The following MACROD1 variants were observed in gnomAD, a reference collection of about 807,000 sequenced individuals.
MACROD1 encodes the protein mono-ADP ribosylhydrolase 1, also known as ADP-ribose glycohydrolase MACROD1.
In MACROD1, 31 loss-of-function variants were observed where a neutral mutation model predicts 41.4. The ratio of observed to expected loss-of-function variants is 0.75; its 90% CI spans 0.56 to 1.01. The LOEUF is 1.01. Among genes scored for constraint, MACROD1 ranks in the 50% least tolerant of loss-of-function variants. The pLI is 0.00. For missense variants in MACROD1, 473 were observed against 460.0 expected, an observed-to-expected ratio of 1.03 and a Z score of -0.26; for synonymous variants, 252 against 203.4, an observed-to-expected ratio of 1.24 and a Z score of -2.03.
At chr11:64,074,664 G>A (rs1353231562) in intron 3 of MACROD1, among the ~76,000 whole-genome samples, 1 of 152,224 alleles carries the variant, frequency 6.6e-6, no homozygotes, top group Non-Finnish European at 1.5e-5. Context: ...TGTCCAAGTA[G>A]TGGGACCCCC....
At chr11:64,037,949 T>C (rs1260403343) in intron 3 of MACROD1, among the ~76,000 whole-genome samples, 1 of 152,182 alleles carries the variant, frequency 6.6e-6, no homozygotes, top group East Asian at 1.9e-4. Context: ...TTGTTAGTGG[T>C]CCTGCTCCTG....
At position 64,078,892 on chromosome 11, in the gene MACROD1, G is replaced by C. The variant is rs771094145; in HGVS notation, c.518-63611C>G. Among the ~76,000 whole-genome samples the C allele has an allele frequency of 2.0e-5, 3 of 152,242 alleles. No homozygotes were observed. In the East Asian group the frequency reaches 5.8e-4, roughly 29 times the overall value. On this transcript the variant is annotated intron_variant, in intron 3 of 10. Coordinates refer to ENST00000255681, the MANE Select transcript of MACROD1 (RefSeq NM_014067.4). ...GCAGAGGGGACAGCGAGAACTCAGA[G>C]TGGGAGTTTGGCAGGTTCCAGGACA...
chr11:64,062,010 T>C (rs1192184370), intron 3 of MACROD1, among the ~76,000 whole-genome samples: 1 of 148,320 alleles, frequency 6.7e-6, no homozygotes, highest in African/African-American at 2.5e-5. Flanking sequence ...TTAGTTACTT[T>C]CCCAAACAAA....
chr11:64,140,445 G>A (rs1204736886), intron 3 of MACROD1, among the ~76,000 whole-genome samples: 1 of 152,200 alleles, frequency 6.6e-6, no homozygotes, highest in African/African-American at 2.4e-5. Flanking sequence ...TCCCTACCAC[G>A]AATATGGGAA....
At chr11:64,115,329 C>T (rs1197217196) in intron 3 of MACROD1, among the ~76,000 whole-genome samples, 2 of 152,108 alleles carry the variant, frequency 1.3e-5, no homozygotes, top group Admixed American at 6.5e-5. Context: ...ACAGACGTGA[C>T]TCCTCCCTCC....
At chr11:64,158,884 G>T (rs938526992) in intron 1 of MACROD1, among the ~76,000 whole-genome samples, 1 of 152,056 alleles carries the variant, frequency 6.6e-6, no homozygotes, top group Non-Finnish European at 1.5e-5. Context: ...AAAACTGAGG[G>T]TATTCAATTA....
chr11:64,132,027 A>G (rs889520386), intron 3 of MACROD1, among the ~76,000 whole-genome samples: 17 of 152,140 alleles, frequency 1.1e-4, no homozygotes, highest in African/African-American at 3.6e-4. Flanking sequence ...CCCATGCCGG[A>G]GCTGCTGGGG....
intron 5 of MACROD1, 175 bp downstream of exon 5, chr11:64,000,052 T>C (rs1200427251): frequency 4.7e-6 from 3 of 635,140 alleles, no homozygotes; most frequent in Non-Finnish European, 8.1e-6. Context: ...ACGCACGGTC[T>C]CCCCCATGTG....
chr11:64,056,234 A>G (rs1400440945), intron 3 of MACROD1, among the ~76,000 whole-genome samples: 1 of 152,122 alleles, frequency 6.6e-6, no homozygotes, highest in Non-Finnish European at 1.5e-5. Flanking sequence ...GAGCTGCAGC[A>G]GGTGGGCCCA....
chr11:64,107,265 A>C (rs1944778542), intron 3 of MACROD1, among the ~76,000 whole-genome samples: 1 of 152,250 alleles, frequency 6.6e-6, no homozygotes, highest in Non-Finnish European at 1.5e-5. Context: ...ACAGACAGAA[A>C]TATCAGGTGT....
chr11:64,145,226 C>T (rs550730461), intron 3 of MACROD1, among the ~76,000 whole-genome samples: 9 of 152,282 alleles, frequency 5.9e-5, no homozygotes, highest in South Asian at 2.1e-4. Flanking sequence ...GTCGGCTTGT[C>T]GCTGTGAAAC....
At chr11:64,127,550 T>C (rs1434706914) in intron 3 of MACROD1, among the ~76,000 whole-genome samples, 1 of 152,138 alleles carries the variant, frequency 6.6e-6, no homozygotes, top group African/African-American at 2.4e-5. Context: ...TCCGGCACCA[T>C]CCCAACCAAA....
rs1038402966 is a variant in MACROD1 at position 64,015,424 on chromosome 11, G to A, written c.518-143C>T. On this transcript the variant is annotated intron_variant, in intron 3 of 10. Coordinates refer to ENST00000255681, the MANE Select transcript of MACROD1 (RefSeq NM_014067.4). ...GGGCACAGGGTCTTCCCAGTCCTCC[G>A]GGGCGGTAGTAGACGATGGTGAAGA... is the stretch of plus-strand genomic sequence containing the variant. 37 of 668,532 alleles carry A rather than the reference G, an allele frequency of 5.5e-5. No homozygotes were observed. In the South Asian group the frequency reaches 6.4e-4, roughly 12 times the overall value. The allele number at this position is 668,532 out of a possible 1,614,324, so 41.4% of individuals were successfully genotyped here.
intron 3 of MACROD1, among the ~76,000 whole-genome samples, chr11:64,018,735 A>G (rs1943114994): frequency 6.6e-6 from 1 of 152,184 alleles, no homozygotes; most frequent in Non-Finnish European, 1.5e-5. Context: ...ACAAGTCATC[A>G]ACCCAGTTTC....
intron 3 of MACROD1, among the ~76,000 whole-genome samples, chr11:64,102,355 T>A (rs935991221): frequency 3.4e-5 from 5 of 147,590 alleles, no homozygotes; most frequent in Non-Finnish European, 7.6e-5. Flanking sequence ...CTGCGGGTGT[T>A]GAGGACTGAC....
chr11:63,998,765 T>TG (rs1387010875), intron 10 of MACROD1, 73 bp downstream of exon 10: 5 of 1,431,242 alleles, frequency 3.5e-6, no homozygotes, highest in Admixed American at 2.8e-5. Context: ...CCGCCCTGCT[T>TG]GGGGGTGAGC....
intron 3 of MACROD1, among the ~76,000 whole-genome samples, chr11:64,056,604 C>T (rs560057008): frequency 1.3e-4 from 20 of 152,326 alleles, no homozygotes; most frequent in African/African-American, 4.3e-4. Flanking sequence ...GCCCTGAGTC[C>T]GGATGGCAGC....
chr11:64,089,163 A>G (rs12805664), intron 3 of MACROD1, among the ~76,000 whole-genome samples: 33,255 of 152,154 alleles, frequency 0.22, 3,993 homozygotes, highest in African/African-American at 0.32. Context: ...TTCCAGGCAC[A>G]GGGCGGGTCG....
chr11:64,009,932 C>T lies in MACROD1; in HGVS notation c.547+5320G>A, dbSNP rs192969347. Among the ~76,000 whole-genome samples the T allele has an allele frequency of 5.0e-3, 769 of 152,388 alleles. 4 individuals are homozygous for T. Among genetic ancestry groups the T allele is most frequent in the Middle Eastern group, 0.014 (4 of 294 alleles). On this transcript the variant is annotated intron_variant, in intron 4 of 10. Transcript: ENST00000255681. ...CCGGCCCCTCCTGGCAGGAACTCCA[C>T]GCCACTACCCACACCAGGGTGTTGG...
Sources: gnomAD v4.1 joint callset for allele counts (sites outside exome capture counted in the v4.1 genomes callset) on GRCh38, gnomAD v4.1.1 for gene constraint, MANE v1.5 for transcripts, NCBI Gene and HGNC (gene_info 2026-07-23, HGNC 2026-07-21) for gene names.